Variants in CA10 observed in about 807,000 individuals in gnomAD.
CA10 encodes the protein carbonic anhydrase-related protein 10.
Under a neutral mutation model 44.2 loss-of-function variants are expected in CA10, and 14 were observed. That is an observed-to-expected ratio of 0.32 (90% CI 0.21 to 0.50). The LOEUF is 0.50. Ranked by LOEUF, CA10 falls within the 20% of genes least tolerant of loss-of-function variation. CA10 has a pLI of 0.99. For synonymous variants in CA10, 159 were observed against 141.6 expected, an observed-to-expected ratio of 1.12 and a Z score of -0.87; for missense variants, 350 against 409.7, an observed-to-expected ratio of 0.85 and a Z score of 1.26.
At chr17:51,830,522 G>A (rs1908198730) in intron 3 of CA10, among the ~76,000 whole-genome samples, 1 of 152,086 alleles carries the variant, frequency 6.6e-6, no homozygotes, top group Non-Finnish European at 1.5e-5. Context: ...AAGAGTTTAT[G>A]ATCAGTTGAT....
At chr17:52,142,098 A>G (rs1989493097) in intron 1 of CA10, among the ~76,000 whole-genome samples, 1 of 152,206 alleles carries the variant, frequency 6.6e-6, no homozygotes, top group South Asian at 2.1e-4. Context: ...GTGGGTCAAA[A>G]TAAGGTAAAA....
intron 1 of CA10, among the ~76,000 whole-genome samples, chr17:52,153,463 A>G (rs1254457041): frequency 6.6e-6 from 1 of 152,164 alleles, no homozygotes; most frequent in Non-Finnish European, 1.5e-5. Context: ...TCCCCTGGGT[A>G]ATAAGTACTA....
At chr17:52,075,361 A>G (rs989814205) in intron 1 of CA10, among the ~76,000 whole-genome samples, 3 of 152,152 alleles carry the variant, frequency 2.0e-5, no homozygotes, top group Admixed American at 6.5e-5. Flanking sequence ...ATTTCTCTCA[A>G]TGGTATGTGG....
At chr17:52,027,082 G>T (rs1986324615) in intron 2 of CA10, among the ~76,000 whole-genome samples, 1 of 152,072 alleles carries the variant, frequency 6.6e-6, no homozygotes, top group Admixed American at 6.6e-5. Flanking sequence ...GAACTAGATG[G>T]TCCCATCTAG....
intron 2 of CA10, among the ~76,000 whole-genome samples, chr17:51,956,806 C>CTT (rs777952837): frequency 6.6e-6 from 1 of 150,392 alleles, no homozygotes; most frequent in Non-Finnish European, 1.5e-5. Flanking sequence ...AAAGCAGAGG[C>CTT]TTTTTTTTTG....
At chr17:51,696,836 A>G (rs945389529) in intron 4 of CA10, among the ~76,000 whole-genome samples, 2 of 152,188 alleles carry the variant, frequency 1.3e-5, no homozygotes, top group African/African-American at 4.8e-5. Context: ...TAGAACCACA[A>G]AAGCATAGGC....
intron 1 of CA10, among the ~76,000 whole-genome samples, chr17:52,077,837 T>C (rs1308357003): frequency 6.6e-6 from 1 of 152,180 alleles, no homozygotes; most frequent in Admixed American, 6.6e-5. Context: ...CCACCAAAGC[T>C]GGTGGAGCTT....
At position 51,754,888 on chromosome 17, in the gene CA10, T is replaced by C. The variant is rs568389227; in HGVS notation, c.280-7070A>G. On this transcript the variant is annotated intron_variant, in intron 3 of 8. Coordinates refer to ENST00000451037, the MANE Select transcript of CA10 (RefSeq NM_020178.5). ...TTCTGATACCACACATAAAGGGTTATATATATAATACAAATATGCGTGTGT... is the reference window on the plus strand; with the variant it reads ...TTCTGATACCACACATAAAGGGTTACATATATAATACAAATATGCGTGTGT... Among the ~76,000 whole-genome samples the C allele has an allele frequency of 2.6e-5, 4 of 152,234 alleles. No individual in the cohort carries two copies. In the South Asian group the frequency reaches 6.2e-4, roughly 24 times the overall value.
intron 4 of CA10, among the ~76,000 whole-genome samples, chr17:51,699,670 T>C (rs1915523978): frequency 6.6e-6 from 1 of 152,250 alleles, no homozygotes; most frequent in African/African-American, 2.4e-5. Context: ...AGTCCAGTTC[T>C]GCATGACAAG....
At chr17:51,855,590 CT>C (rs1484992009) in intron 3 of CA10, among the ~76,000 whole-genome samples, 1 of 152,142 alleles carries the variant, frequency 6.6e-6, no homozygotes, top group Non-Finnish European at 1.5e-5. Flanking sequence ...AGCACAGTGC[CT>C]GAACCATAAA....
At chr17:52,083,774 CGG>C (rs1369191733) in intron 1 of CA10, among the ~76,000 whole-genome samples, 1 of 151,642 alleles carries the variant, frequency 6.6e-6, no homozygotes, top group African/African-American at 2.4e-5. Context: ...TAGTATTCCA[CGG>C]TATGGATATA....
intron 3 of CA10, among the ~76,000 whole-genome samples, chr17:51,843,207 G>C (rs1978356035): frequency 6.6e-6 from 1 of 152,186 alleles, no homozygotes; most frequent in Non-Finnish European, 1.5e-5. Context: ...CATTCTGAAT[G>C]GGTAAAGTCG....
chr17:51,692,384 TATCTATC>T (rs1460868111), intron 4 of CA10, among the ~76,000 whole-genome samples: 1 of 124,264 alleles, frequency 8.0e-6, no homozygotes, highest in African/African-American at 2.7e-5. Flanking sequence ...TCTATCTATC[TATCTATC>T]TATCTATCTA....
intron 3 of CA10, among the ~76,000 whole-genome samples, chr17:51,857,093 TA>T (rs1401088534): frequency 1.3e-5 from 2 of 152,222 alleles, no homozygotes; most frequent in Admixed American, 6.5e-5. Flanking sequence ...ATCAAGGATT[TA>T]AAACATTATC....
chr17:51,796,274 C>A (rs895230614), intron 3 of CA10, among the ~76,000 whole-genome samples: 1 of 151,844 alleles, frequency 6.6e-6, no homozygotes, highest in African/African-American at 2.4e-5. Context: ...GCCTTGTCTG[C>A]GATCTCATGG....
At chr17:51,963,910 A>G (rs2144055897) in intron 2 of CA10, among the ~76,000 whole-genome samples, 1 of 152,302 alleles carries the variant, frequency 6.6e-6, no homozygotes, top group Non-Finnish European at 1.5e-5. Context: ...AAAATCTTGC[A>G]TATCAATATT....
At chr17:52,018,768 C>T (rs1248129878) in intron 2 of CA10, among the ~76,000 whole-genome samples, 1 of 151,832 alleles carries the variant, frequency 6.6e-6, no homozygotes, top group Non-Finnish European at 1.5e-5. Context: ...TTTGGAGGAC[C>T]AGGGAAGAAG....
chr17:52,109,406 G>T (rs1988742736), intron 1 of CA10, among the ~76,000 whole-genome samples: 1 of 152,146 alleles, frequency 6.6e-6, no homozygotes, highest in East Asian at 1.9e-4. Flanking sequence ...GTAGAGAGAA[G>T]AAATGTTTGA....
intron 3 of CA10, among the ~76,000 whole-genome samples, chr17:51,885,437 C>T (rs60131466): frequency 0.02 from 3,066 of 152,262 alleles, 85 homozygotes; most frequent in African/African-American, 0.07. Flanking sequence ...TACTCAAACA[C>T]GTTCACAACT....
Sources: allele counts gnomAD v4.1 joint callset (sites outside exome capture counted in the v4.1 genomes callset), GRCh38; gene constraint gnomAD v4.1.1; transcripts MANE v1.5; gene names NCBI Gene and HGNC (gene_info 2026-07-23, HGNC 2026-07-21).